KLHL29: variants seen among roughly 807,000 people sequenced by gnomAD.
KLHL29 encodes kelch like family member 29, also known as kelch-like protein 29.
In KLHL29, 21 loss-of-function variants were observed where a neutral mutation model predicts 80.4. The ratio of observed to expected loss-of-function variants is 0.26; its 90% CI spans 0.19 to 0.38. The LOEUF (loss-of-function observed/expected upper bound fraction) is 0.38, where lower values mean the gene tolerates loss of function less well. Among genes scored for constraint, KLHL29 ranks in the 10% least tolerant of loss-of-function variants. KLHL29 has a pLI of 1.00. For missense variants in KLHL29, 867 were observed against 1,223.9 expected (o/e 0.71, Z 4.35); for synonymous variants, 511 against 526.8 (o/e 0.97, Z 0.41).
At chr2:23,522,606 G>A (rs1258692640) in intron 2 of KLHL29, among the ~76,000 whole-genome samples, 1 of 152,140 alleles carries the variant, frequency 6.6e-6, no homozygotes, top group Admixed American at 6.5e-5. Context: ...GTCATCAGGT[G>A]GGGTGGGAAG....
intron 3 of KLHL29, among the ~76,000 whole-genome samples, chr2:23,588,635 A>C (rs1279928118): frequency 1.3e-5 from 2 of 152,136 alleles, no homozygotes; most frequent in Non-Finnish European, 2.9e-5. Flanking sequence ...CTCTCCCCTA[A>C]CCAAAGTTTA....
intron 13 of KLHL29, 68 bp from the exon 14 acceptor site, chr2:23,706,413 T>G: frequency 7.0e-6 from 9 of 1,281,694 alleles, no homozygotes; most frequent in East Asian, 2.9e-5. Context: ...GACACGACGT[T>G]GAGAACCTAT....
chr2:23,577,037 C>T (rs1667859729), intron 3 of KLHL29, among the ~76,000 whole-genome samples: 1 of 152,254 alleles, frequency 6.6e-6, no homozygotes, highest in Non-Finnish European at 1.5e-5. Context: ...CCACCACCTG[C>T]TGGCTGTGCC....
intron 3 of KLHL29, 40 bp from the exon 4 acceptor site, chr2:23,639,099 C>G: frequency 1.3e-6 from 2 of 1,484,932 alleles, no homozygotes; most frequent in Non-Finnish European, 1.8e-6. Context: ...AGGCTGGTCT[C>G]TGGCCAGGCT....
intron 1 of KLHL29, among the ~76,000 whole-genome samples, chr2:23,446,514 G>A (rs1392494436): frequency 1.3e-5 from 2 of 152,186 alleles, no homozygotes; most frequent in Non-Finnish European, 2.9e-5. Flanking sequence ...GTCTATTCCT[G>A]TGGATACTCT....
At chr2:23,580,745 G>A (rs1337738683) in intron 3 of KLHL29, among the ~76,000 whole-genome samples, 5 of 83,784 alleles carry the variant, frequency 6.0e-5, no homozygotes, top group African/African-American at 1.3e-4. Context: ...TTAGGAGGCC[G>A]AGGCAGGTGG....
chr2:23,433,740 TCC>T (rs1394670230), intron 1 of KLHL29, among the ~76,000 whole-genome samples: 1 of 151,906 alleles, frequency 6.6e-6, no homozygotes, highest in African/African-American at 2.4e-5. Context: ...ATAATGAGAC[TCC>T]CATCTCTACG....
At chr2:23,436,456 G>A (rs1026719937) in intron 1 of KLHL29, among the ~76,000 whole-genome samples, 4 of 152,026 alleles carry the variant, frequency 2.6e-5, no homozygotes, top group African/African-American at 9.7e-5. Flanking sequence ...CACAGACACC[G>A]CCTGGAAGCC....
chr2:23,477,752 A>G (rs1664677527), intron 2 of KLHL29, among the ~76,000 whole-genome samples: 1 of 152,170 alleles, frequency 6.6e-6, no homozygotes, highest in Non-Finnish European at 1.5e-5. Flanking sequence ...TTTGGCAGCC[A>G]TGGCATCCCC....
chr2:23,691,933 C>A lies in KLHL29; in HGVS notation c.1282+57C>A, dbSNP rs933123469. On this transcript the variant is annotated intron_variant, in intron 7 of 13. Coordinates refer to ENST00000486442, the MANE Select transcript of KLHL29 (RefSeq NM_052920.2). Reference sequence around the variant, plus strand: ...GGGAAGAGTGCAGATGGGCGGAGAACTCCATAAACAGCAAGGACTGAGCGG... The same window carrying A: ...GGGAAGAGTGCAGATGGGCGGAGAAATCCATAAACAGCAAGGACTGAGCGG... 7.4e-6 allele frequency: 11 copies of A among 1,495,560 alleles called. No homozygotes were observed. In the African/African-American group the frequency reaches 1.5e-4, roughly 21 times the overall value. 92.6% of individuals were successfully genotyped at this position (1,495,560 alleles called of 1,614,324 possible). A position where few individuals can be genotyped will look rare whatever the true frequency, so the allele number is the denominator to read the frequency against.
At chr2:23,564,317 A>G (rs1490692720) in intron 3 of KLHL29, among the ~76,000 whole-genome samples, 1 of 152,150 alleles carries the variant, frequency 6.6e-6, no homozygotes, top group Non-Finnish European at 1.5e-5. Flanking sequence ...GCCACATGAG[A>G]GGAAGGGAAC....
intron 2 of KLHL29, among the ~76,000 whole-genome samples, chr2:23,511,078 T>TC (rs1455165488): frequency 6.6e-6 from 1 of 152,072 alleles, no homozygotes; most frequent in Admixed American, 6.5e-5. Context: ...AGCTTAGAAG[T>TC]CCAAGATGAA....
At chr2:23,478,950 T>C (rs1341626298) in intron 2 of KLHL29, among the ~76,000 whole-genome samples, 2 of 151,588 alleles carry the variant, frequency 1.3e-5, no homozygotes, top group African/African-American at 4.8e-5. Flanking sequence ...GCAGGCGTCC[T>C]CTCTGACCGC....
At chr2:23,641,323 G>T (rs1326009596) in intron 4 of KLHL29, among the ~76,000 whole-genome samples, 2 of 152,160 alleles carry the variant, frequency 1.3e-5, no homozygotes, top group African/African-American at 4.8e-5. Flanking sequence ...CCCAGGGCTG[G>T]CCGTGCCCAG....
chr2:23,447,869 C>T (rs902653522), intron 1 of KLHL29, among the ~76,000 whole-genome samples: 18 of 152,094 alleles, frequency 1.2e-4, no homozygotes, highest in Non-Finnish European at 1.8e-4. Flanking sequence ...TGTCCCAGAA[C>T]CTGCTGGGAG....
intron 3 of KLHL29, among the ~76,000 whole-genome samples, chr2:23,585,345 GGA>G (rs138519849): frequency 1.1e-3 from 164 of 152,294 alleles, no homozygotes; most frequent in Middle Eastern, 3.4e-3. Flanking sequence ...CTGCTAACCG[GGA>G]GATTTATGTG....
At chr2:23,410,512 C>T (rs1572490070) in intron 1 of KLHL29, among the ~76,000 whole-genome samples, 1 of 152,042 alleles carries the variant, frequency 6.6e-6, no homozygotes, top group Non-Finnish European at 1.5e-5. Flanking sequence ...GCAGTGGTGG[C>T]AGATAGGCAG....
chr2:23,475,747 T>C (rs1205931144), intron 2 of KLHL29, 80 bp downstream of exon 2: 1 of 165,164 alleles, frequency 6.1e-6, no homozygotes, highest in Non-Finnish European at 1.5e-5. Context: ...TCATGCTAAA[T>C]GTGTGGGGGA....
chr2:23,482,826 CTCATTCATTCATTCATTCAT>C (rs55692243), intron 2 of KLHL29, among the ~76,000 whole-genome samples: 83 of 150,408 alleles, frequency 5.5e-4, no homozygotes, highest in African/African-American at 1.5e-3. Flanking sequence ...GCAACGCTCA[CTCATTCATTCATTCATTCAT>C]TCATTCATTC....
Sources: gnomAD v4.1 joint callset for allele counts (sites outside exome capture counted in the v4.1 genomes callset) on GRCh38, gnomAD v4.1.1 for gene constraint, MANE v1.5 for transcripts, NCBI Gene and HGNC (gene_info 2026-07-23, HGNC 2026-07-21) for gene names.